The following KHDRBS2 variants were observed in gnomAD, a reference collection of about 807,000 sequenced individuals.
KHDRBS2 encodes the protein KH domain-containing, RNA-binding, signal transduction-associated protein 2.
KHDRBS2 carries 26 observed loss-of-function variants against 44.3 expected under a neutral mutation model. That is an observed-to-expected ratio of 0.59 (90% CI 0.43 to 0.81). The LOEUF is 0.81. KHDRBS2 is among the 40% of genes least tolerant of loss of function. The pLI is 0.00. For synonymous variants in KHDRBS2, 194 were observed against 151.1 expected, an observed-to-expected ratio of 1.28 and a Z score of -2.08; for missense variants, 476 against 433.1, an observed-to-expected ratio of 1.10 and a Z score of -0.88.
At chr6:61,561,190 T>A in the KHDRBS2 span, among the ~76,000 whole-genome samples, 1 of 151,614 alleles carries the variant, frequency 6.6e-6, no homozygotes, top group African/African-American at 2.4e-5. Context: ...ATGGAGACTC[T>A]CTCTCTCTCT....
At chr6:61,691,536 C>A (rs528426630) in intron 8 of KHDRBS2, among the ~76,000 whole-genome samples, 1 of 152,100 alleles carries the variant, frequency 6.6e-6, no homozygotes, top group South Asian at 2.1e-4. Context: ...TATTATGTAA[C>A]AACTTTAATA....
chr6:62,109,287 A>C (rs985087115), intron 2 of KHDRBS2, among the ~76,000 whole-genome samples: 5 of 152,056 alleles, frequency 3.3e-5, no homozygotes, highest in African/African-American at 1.2e-4. Flanking sequence ...GAAAATATCC[A>C]ATATCCATTC....
At chr6:62,140,481 G>T (rs532822637) in intron 2 of KHDRBS2, among the ~76,000 whole-genome samples, 6 of 152,258 alleles carry the variant, frequency 3.9e-5, no homozygotes, top group African/African-American at 9.6e-5. Context: ...AAATTTGAGG[G>T]TTATCAAAAT....
At chr6:62,214,596 T>C (rs1426460955) in intron 1 of KHDRBS2, among the ~76,000 whole-genome samples, 2 of 151,868 alleles carry the variant, frequency 1.3e-5, no homozygotes, top group Middle Eastern at 3.4e-3. Context: ...GGACTGGAAG[T>C]GGACAAACAA....
chr6:61,700,780 G>T (rs1367607353), intron 7 of KHDRBS2, among the ~76,000 whole-genome samples: 1 of 151,458 alleles, frequency 6.6e-6, no homozygotes, highest in Non-Finnish European at 1.5e-5. Flanking sequence ...TCTAGTATCT[G>T]CAATGCAAAC....
chr6:61,791,575 T>G (rs1784645312), intron 6 of KHDRBS2, among the ~76,000 whole-genome samples: 1 of 151,520 alleles, frequency 6.6e-6, no homozygotes, highest in South Asian at 2.1e-4. Context: ...TGAAATAGGA[T>G]GTATTTGTTT....
intron 3 of KHDRBS2, among the ~76,000 whole-genome samples, chr6:62,043,778 A>G (rs1471334630): frequency 6.6e-6 from 1 of 152,102 alleles, no homozygotes; most frequent in African/African-American, 2.4e-5. Context: ...ATTATTTTAT[A>G]TATGATGCAA....
At chr6:61,914,530 G>T (rs1806643580) in intron 4 of KHDRBS2, among the ~76,000 whole-genome samples, 1 of 133,858 alleles carries the variant, frequency 7.5e-6, no homozygotes. Flanking sequence ...GAGGGGGGAG[G>T]GATAGCATTA....
At chr6:62,130,533 A>C (rs1810048133) in intron 2 of KHDRBS2, among the ~76,000 whole-genome samples, 1 of 151,866 alleles carries the variant, frequency 6.6e-6, no homozygotes, top group Admixed American at 6.6e-5. Flanking sequence ...GAGCAATGGT[A>C]TTTATAAAGA....
chr6:62,070,430 C>T (rs544963524), intron 2 of KHDRBS2, among the ~76,000 whole-genome samples: 86 of 151,698 alleles, frequency 5.7e-4, no homozygotes, highest in African/African-American at 2.0e-3. Context: ...TGTTGGTGTG[C>T]TGCACCCATT....
At chr6:61,667,409 T>C in the KHDRBS2 span, among the ~76,000 whole-genome samples, 1 of 151,214 alleles carries the variant, frequency 6.6e-6, no homozygotes. Flanking sequence ...TTATCAAAAA[T>C]CATAAACAGT....
the KHDRBS2 span, among the ~76,000 whole-genome samples, chr6:61,621,748 G>A: frequency 4.2e-4 from 64 of 152,152 alleles, no homozygotes; most frequent in African/African-American, 1.5e-3. Context: ...AACAGAACAT[G>A]GCAAAAGTGG....
intron 6 of KHDRBS2, among the ~76,000 whole-genome samples, chr6:61,821,794 T>TC: frequency 6.6e-6 from 1 of 151,964 alleles, no homozygotes; most frequent in East Asian, 1.9e-4. Context: ...TTAAGATTTT[T>TC]TTTTCCATTA....
At chr6:62,105,614 G>A (rs1416721292) in intron 2 of KHDRBS2, among the ~76,000 whole-genome samples, 2 of 152,074 alleles carry the variant, frequency 1.3e-5, no homozygotes, top group African/African-American at 2.4e-5. Flanking sequence ...CTGTGGGATT[G>A]GTGGTGATAT....
chr6:61,782,813 C>T (rs1783214151), intron 6 of KHDRBS2, among the ~76,000 whole-genome samples: 1 of 149,498 alleles, frequency 6.7e-6, no homozygotes. Flanking sequence ...CTAGGTTGAG[C>T]ATGGCTGGAC....
chr6:61,589,063 G>C, the KHDRBS2 span, among the ~76,000 whole-genome samples: 2 of 151,874 alleles, frequency 1.3e-5, no homozygotes, highest in African/African-American at 4.8e-5. Flanking sequence ...ACTAGGGCCT[G>C]TCAGGGGGTG....
chr6:61,662,398 G>C, the KHDRBS2 span, among the ~76,000 whole-genome samples: 1 of 150,898 alleles, frequency 6.6e-6, no homozygotes, highest in East Asian at 1.9e-4. Flanking sequence ...ATTGACAAAT[G>C]GGATCTAATT....
the KHDRBS2 span, among the ~76,000 whole-genome samples, chr6:61,581,339 C>T: frequency 6.6e-6 from 1 of 151,968 alleles, no homozygotes; most frequent in African/African-American, 2.4e-5. Context: ...CAAACTTTTA[C>T]TTTTGAGTTA....
chr6:61,612,177 G>C, the KHDRBS2 span, among the ~76,000 whole-genome samples: 1 of 152,042 alleles, frequency 6.6e-6, no homozygotes, highest in Non-Finnish European at 1.5e-5. Flanking sequence ...AAGCATATAT[G>C]TTCAGTATCT....
Sources: gnomAD v4.1 joint callset for allele counts (sites outside exome capture counted in the v4.1 genomes callset) on GRCh38, gnomAD v4.1.1 for gene constraint, MANE v1.5 for transcripts, NCBI Gene and HGNC (gene_info 2026-07-23, HGNC 2026-07-21) for gene names.